Variants in KCNQ1 observed in about 807,000 individuals in gnomAD.
KCNQ1 encodes potassium voltage-gated channel subfamily KQT member 1.
Under a neutral mutation model 72.4 loss-of-function variants are expected in KCNQ1, and 49 were observed. The ratio of observed to expected loss-of-function variants is 0.68; its 90% confidence interval spans 0.54 to 0.86. The LOEUF is 0.86. Ranked by LOEUF, KCNQ1 falls within the 40% of genes least tolerant of loss-of-function variation. The pLI is 0.00. For synonymous variants in KCNQ1, 450 were observed against 412.6 expected (o/e 1.09, Z -1.10); for missense variants, 790 against 945.1 (o/e 0.84, Z 2.15).
At chr11:2,513,666 C>T (rs910251411) in intron 1 of KCNQ1, among the ~76,000 whole-genome samples, 1 of 152,210 alleles carries the variant, frequency 6.6e-6, no homozygotes. Context: ...GTCCCAGCCA[C>T]CCTGGCCGCT....
chr11:2,504,744 G>A (rs1847075540), intron 1 of KCNQ1, among the ~76,000 whole-genome samples: 2 of 152,190 alleles, frequency 1.3e-5, no homozygotes, highest in South Asian at 2.1e-4. Flanking sequence ...GTAACAGAGT[G>A]AGACTGTCTC....
intron 1 of KCNQ1, among the ~76,000 whole-genome samples, chr11:2,500,414 T>C (rs945599909): frequency 6.6e-6 from 1 of 152,216 alleles, no homozygotes; most frequent in Non-Finnish European, 1.5e-5. Flanking sequence ...GGAACGCTTT[T>C]ACACTGTTGG....
intron 10 of KCNQ1, chr11:2,619,794 G>A (rs766390864): frequency 4.0e-5 from 16 of 397,676 alleles, no homozygotes; most frequent in Non-Finnish European, 7.1e-5. Context: ...TGAATATTGG[G>A]TAGTATTCAG....
intron 10 of KCNQ1, among the ~76,000 whole-genome samples, chr11:2,590,870 C>T (rs888917959): frequency 2.0e-5 from 3 of 152,206 alleles, no homozygotes. Context: ...CTCAGTTGTG[C>T]CAAGTGGCCA....
At chr11:2,542,206 C>T (rs2133679395) in intron 2 of KCNQ1, among the ~76,000 whole-genome samples, 1 of 152,382 alleles carries the variant, frequency 6.6e-6, no homozygotes, top group East Asian at 1.9e-4. Context: ...GTTCCTGGGG[C>T]TGTGCCGAGG....
chr11:2,640,174 C>A, intron 10 of KCNQ1: 2 of 383,690 alleles, frequency 5.2e-6, no homozygotes, highest in East Asian at 7.4e-5. Flanking sequence ...CGATGCCTCG[C>A]CCTACTTCGT....
In KCNQ1 at chr11:2,538,467, C is replaced by T. The variant is rs1440136129; in HGVS notation, c.477+10449C>T. 1.3e-5 allele frequency among the ~76,000 whole-genome samples: 2 copies of T among 152,230 alleles called. No homozygotes were observed. Among genetic ancestry groups the T allele is most frequent in the African/African-American group, 4.8e-5 (2 of 41,468 alleles). The stretch of plus-strand genomic sequence containing the variant: ...ATCATTTATGCCCCAGCCAGGTCCC[C>T]TGTCCCAGGACCGCGGTTGACAGGG... On this transcript the variant is annotated intron_variant, in intron 2 of 15. Transcript: ENST00000155840. This position sits in a 1 kb window ranked among gnomAD's most constrained non-coding sequence, Gnocchi z 6.7.
chr11:2,542,290 G>A lies in KCNQ1; in HGVS notation c.477+14272G>A, dbSNP rs77720235. 4.6e-3 allele frequency among the ~76,000 whole-genome samples: 699 copies of A among 152,370 alleles called. 5 individuals are homozygous for A. The highest frequency in any genetic ancestry group is 0.016 in the African/African-American group (673 of 41,580). The stretch of plus-strand genomic sequence containing the variant: ...AGAGGGCAAAAGGGTGTTGGTGGAC[G>A]ATGCCTCCTCCCCTGGCGGGGGCGG... On this transcript the variant is annotated intron_variant, in intron 2 of 15. Transcript: ENST00000155840.
chr11:2,591,539 T>C (rs963635249), intron 10 of KCNQ1, among the ~76,000 whole-genome samples: 3 of 152,214 alleles, frequency 2.0e-5, no homozygotes, highest in Non-Finnish European at 4.4e-5. Context: ...GGGGGCTTTC[T>C]GCGCATGCTA....
In KCNQ1 at chr11:2,496,495, C is replaced by CTTTTTTT; in HGVS notation, c.387-31414_387-31408dup. On this transcript the variant is annotated intron_variant, in intron 1 of 15. Transcript: ENST00000155840. ...AAAATGGCTAGGATCACAACCCCTG[C>CTTTTTTT]TTTTTTTTTTTTTTTTTTTTTTTTT... is the stretch of plus-strand genomic sequence containing the variant. Among the ~76,000 whole-genome samples, 58 of 29,828 alleles carry CTTTTTTT rather than the reference C, an allele frequency of 1.9e-3. 7 individuals carry two copies. Among genetic ancestry groups the CTTTTTTT allele is most frequent in the African/African-American group, 4.1e-3 (38 of 9,274 alleles). 19.6% of individuals were successfully genotyped at this position (29,828 alleles called of 152,430 possible).
At chr11:2,655,948 G>GC (rs1360692562) in intron 10 of KCNQ1, 2 of 398,566 alleles carry the variant, frequency 5.0e-6, no homozygotes, top group African/African-American at 4.1e-5. Flanking sequence ...TTCCTCTCTG[G>GC]CAGGTGCAGG....
Position 2,481,412 on chromosome 11 carries a change from C to T in KCNQ1, c.386+35928C>T, listed in dbSNP as rs937175196. 4.6e-5 allele frequency among the ~76,000 whole-genome samples: 7 copies of T among 152,174 alleles called. No individual in the cohort carries two copies. Among genetic ancestry groups the T allele is most frequent in the Middle Eastern group, 3.4e-3 (1 of 294 alleles). ...TTGGTCTTTGTGTGTGTGTTAAGGG[C>T]GTGTACACACACAGTGCAGTCAGGA... On this transcript the variant is annotated intron_variant, in intron 1 of 15. Coordinates refer to ENST00000155840, the MANE Select transcript of KCNQ1 (RefSeq NM_000218.3). The surrounding 1 kb of genome is among the most constrained non-coding windows in gnomAD (Gnocchi z 4.6).
chr11:2,814,844 C>T (rs990043625), intron 15 of KCNQ1, among the ~76,000 whole-genome samples: 1 of 152,210 alleles, frequency 6.6e-6, no homozygotes, highest in African/African-American at 2.4e-5. Context: ...AGGCCTAGGT[C>T]TTGACTCTGG....
In KCNQ1 at chr11:2,690,525, T is replaced by C; in HGVS notation, c.1514+28444T>C. On this transcript the variant is annotated intron_variant, in intron 11 of 15. Transcript: ENST00000155840. The surrounding 1 kb of genome is among the most constrained non-coding windows in gnomAD (Gnocchi z 5.1). ...GTCTCAGCACCTATCACAAAGAAAG[T>C]GCCACTGGGCCTAGGGAAGGACAAG... 1.0e-5 allele frequency: 4 copies of C among 398,456 alleles called. No individual in the cohort carries two copies. The highest frequency in any genetic ancestry group is 2.1e-5 in the African/African-American group (1 of 48,670). 24.7% of individuals were successfully genotyped at this position (398,456 alleles called of 1,614,324 possible).
At position 2,674,907 on chromosome 11, in the gene KCNQ1, A is replaced by T. The variant is rs1850265801; in HGVS notation, c.1514+12826A>T. 1 of 384,486 alleles carries T rather than the reference A, an allele frequency of 2.6e-6. No homozygotes were observed. The highest frequency in any genetic ancestry group is 4.5e-6 in the Non-Finnish European group (1 of 220,640). The allele number at this position is 384,486 out of a possible 1,614,324, so 23.8% of individuals were successfully genotyped here. The stretch of plus-strand genomic sequence containing the variant: ...CAGGGTCTGAAAAGTCCTTTGTGTT[A>T]GCTCCAGCTGCAGAGTTTTTCCAGG... On this transcript the variant is annotated intron_variant, in intron 11 of 15. Coordinates refer to ENST00000155840, the MANE Select transcript of KCNQ1 (RefSeq NM_000218.3). This position sits in a 1 kb window ranked among gnomAD's most constrained non-coding sequence, Gnocchi z 5.9.
chr11:2,478,928 T>C lies in KCNQ1; in HGVS notation c.386+33444T>C, dbSNP rs1179287219. On this transcript the variant is annotated intron_variant, in intron 1 of 15. Transcript: ENST00000155840. The surrounding 1 kb of genome is among the most constrained non-coding windows in gnomAD (Gnocchi z 4.0). Reference sequence around the variant, plus strand: ...TACAGGCCTTGGATAAATACACCCATTTGAAATGGGAGTAATTGGCCAAAA... The same window carrying C: ...TACAGGCCTTGGATAAATACACCCACTTGAAATGGGAGTAATTGGCCAAAA... 6.6e-6 allele frequency among the ~76,000 whole-genome samples: 1 copy of C among 152,168 alleles called. No homozygotes were observed. Among genetic ancestry groups the C allele is most frequent in the Non-Finnish European group, 1.5e-5 (1 of 68,028 alleles).
rs1302032991 is a variant in KCNQ1, at chr11:2,588,060, G to A, written c.1251+368G>A. On this transcript the variant is annotated intron_variant, in intron 9 of 15. Coordinates refer to ENST00000155840, the MANE Select transcript of KCNQ1 (RefSeq NM_000218.3). The surrounding 1 kb of genome is among the most constrained non-coding windows in gnomAD (Gnocchi z 5.6). The stretch of plus-strand genomic sequence containing the variant: ...CAGGGGGCCGCGCGCAGTGGGTGGT[G>A]GGAGGGGAGCAGCAGGGGAGGGAGG... 6.6e-6 allele frequency among the ~76,000 whole-genome samples: 1 copy of A among 152,098 alleles called. No homozygotes were observed. The highest frequency in any genetic ancestry group is 1.5e-5 in the Non-Finnish European group (1 of 68,002).
Position 2,683,464 on chromosome 11 carries a change from A to G in KCNQ1, c.1514+21383A>G, listed in dbSNP as rs1850431938. On this transcript the variant is annotated intron_variant, in intron 11 of 15. Transcript: ENST00000155840. This position sits in a 1 kb window ranked among gnomAD's most constrained non-coding sequence, Gnocchi z 4.7. ...AAATGTAGGAATTACATATGATTCC[A>G]TCAATGACAGTTTTCCTATTAAAAC... is the stretch of plus-strand genomic sequence containing the variant. 1 of 398,550 alleles carries G rather than the reference A, an allele frequency of 2.5e-6. No individual in the cohort carries two copies. Among genetic ancestry groups the G allele is most frequent in the African/African-American group, 2.1e-5 (1 of 48,636 alleles). The allele number at this position is 398,550 out of a possible 1,614,324, so 24.7% of individuals were successfully genotyped here.
chr11:2,779,795 C>T (rs1258798595), intron 15 of KCNQ1, among the ~76,000 whole-genome samples: 1 of 152,208 alleles, frequency 6.6e-6, no homozygotes, highest in African/African-American at 2.4e-5. Flanking sequence ...GGAACAAGGA[C>T]ACAGTCCTCA....
Sources: gnomAD v4.1 joint callset for allele counts (sites outside exome capture counted in the v4.1 genomes callset) on GRCh38, gnomAD v4.1.1 for gene constraint, Gnocchi (gnomAD v3.1) non-coding constraint, MANE v1.5 for transcripts, NCBI Gene and HGNC (gene_info 2026-07-23, HGNC 2026-07-21) for gene names.